Variants in LUZP2 observed in about 807,000 individuals in gnomAD.
The protein encoded by LUZP2 is leucine zipper protein 2.
LUZP2 carries 52 observed loss-of-function variants against 51.6 expected under a neutral mutation model. The observed-to-expected ratio is 1.01, with a 90% CI of 0.81 to 1.27. LUZP2 has a LOEUF of 1.27. LUZP2 is among the 50% of genes most tolerant of loss of function. The probability of loss-of-function intolerance (pLI) is 0.00; values close to 1 mark genes in which losing one functional copy is unlikely to be tolerated. For synonymous variants in LUZP2, 154 were observed against 137.3 expected (o/e 1.12, Z -0.85); for missense variants, 436 against 395.4 (o/e 1.10, Z -0.87).
chr11:24,998,480 G>A (rs1162237474), intron 9 of LUZP2, among the ~76,000 whole-genome samples: 1 of 152,160 alleles, frequency 6.6e-6, no homozygotes, highest in Non-Finnish European at 1.5e-5. Flanking sequence ...TGTATCCTGA[G>A]ACTTTGCTGA....
intron 5 of LUZP2, among the ~76,000 whole-genome samples, chr11:24,773,527 C>G (rs1848814457): frequency 6.6e-6 from 1 of 152,122 alleles, no homozygotes; most frequent in Non-Finnish European, 1.5e-5. Flanking sequence ...GAGGTAGTAA[C>G]TCTGAAGGAT....
chr11:24,915,664 T>G lies in LUZP2; in HGVS notation c.522+1126T>G, dbSNP rs190865326. ...TGTTGATGATAGACAGATAGATAGA[T>G]AGATGATAGATAGATAGATGGATAG... On this transcript the variant is annotated intron_variant, in intron 7 of 11. Transcript: ENST00000336930. 9.6e-3 allele frequency among the ~76,000 whole-genome samples: 1,466 copies of G among 152,004 alleles called. 19 individuals carry two copies. The highest frequency in any genetic ancestry group is 0.044 in the South Asian group (212 of 4,816).
At chr11:24,758,760 T>C (rs539443213) in intron 4 of LUZP2, among the ~76,000 whole-genome samples, 1 of 152,158 alleles carries the variant, frequency 6.6e-6, no homozygotes, top group Admixed American at 6.5e-5. Flanking sequence ...CAAATTACTA[T>C]GGATTTTTTT....
chr11:24,625,368 A>AAAGGAAGG (rs1287141460), intron 1 of LUZP2, among the ~76,000 whole-genome samples: 1 of 151,764 alleles, frequency 6.6e-6, no homozygotes, highest in Admixed American at 6.6e-5. Context: ...AAGGGAAAGG[A>AAAGGAAGG]AAGGAAGGAA....
rs71041785 is a variant in LUZP2, at chr11:24,602,387, TACACACAC to T, written c.62+105104_62+105111del. 1.8e-3 allele frequency among the ~76,000 whole-genome samples: 234 copies of T among 129,532 alleles called. 1 individual carries two copies. The highest frequency in any genetic ancestry group is 3.1e-3 in the Non-Finnish European group (189 of 61,244). 85.0% of individuals were successfully genotyped at this position (129,532 alleles called of 152,430 possible). ...AAGTGTGTGTGTGTATATATATATA[TACACACAC>T]ACACACACACACACACACACATACA... is the stretch of plus-strand genomic sequence containing the variant. On this transcript the variant is annotated intron_variant, in intron 1 of 11. Coordinates refer to ENST00000336930, the MANE Select transcript of LUZP2 (RefSeq NM_001009909.4).
chr11:24,977,066 G>A (rs1356745567), intron 8 of LUZP2, among the ~76,000 whole-genome samples: 1 of 151,728 alleles, frequency 6.6e-6, no homozygotes, highest in Non-Finnish European at 1.5e-5. Flanking sequence ...TTGAATGCAT[G>A]TATCTTATAA....
At position 24,881,206 on chromosome 11, in the gene LUZP2, A is replaced by T. The variant is rs181996402; in HGVS notation, c.397-24785A>T. Among the ~76,000 whole-genome samples, 554 of 152,234 alleles carry T rather than the reference A, an allele frequency of 3.6e-3. 7 individuals carry two copies. The highest frequency in any genetic ancestry group is 4.5e-3 in the Non-Finnish European group (309 of 68,000). ...TTAACAAGCCAGTACATTTAAAGTG[A>T]AATTATGTTATTTTTAACTCAACTG... is the stretch of plus-strand genomic sequence containing the variant. On this transcript the variant is annotated intron_variant, in intron 5 of 11. Coordinates refer to ENST00000336930, the MANE Select transcript of LUZP2 (RefSeq NM_001009909.4).
chr11:24,875,997 A>G (rs925893553), intron 5 of LUZP2, among the ~76,000 whole-genome samples: 24 of 151,680 alleles, frequency 1.6e-4, no homozygotes, highest in African/African-American at 5.8e-4. Context: ...TAGATTCTGG[A>G]TATTGGCCCT....
chr11:25,061,144 C>T (rs931599768), intron 10 of LUZP2, among the ~76,000 whole-genome samples: 2 of 152,210 alleles, frequency 1.3e-5, no homozygotes, highest in Admixed American at 6.5e-5. Flanking sequence ...GACTCCAAAG[C>T]TTATTCTTCC....
chr11:25,035,335 A>G (rs1050762928), intron 9 of LUZP2, among the ~76,000 whole-genome samples: 1 of 152,168 alleles, frequency 6.6e-6, no homozygotes, highest in Admixed American at 6.5e-5. Flanking sequence ...CAACTTCAGC[A>G]GTTTCAGGAT....
At chr11:24,688,421 G>T (rs1327702827) in intron 1 of LUZP2, among the ~76,000 whole-genome samples, 4 of 152,046 alleles carry the variant, frequency 2.6e-5, no homozygotes, top group African/African-American at 7.3e-5. Flanking sequence ...GTCAAGAATA[G>T]CATTCTGTTA....
intron 11 of LUZP2, 45 bp downstream of exon 11, chr11:25,077,451 G>A (rs762131951): frequency 6.3e-6 from 6 of 953,380 alleles, no homozygotes; most frequent in Non-Finnish European, 9.3e-6. Flanking sequence ...GCATTTATTG[G>A]ATCCATTGTA....
intron 1 of LUZP2, among the ~76,000 whole-genome samples, chr11:24,512,592 A>G (rs911923887): frequency 2.0e-5 from 3 of 152,156 alleles, no homozygotes; most frequent in African/African-American, 4.8e-5. Flanking sequence ...TATCTAAATC[A>G]TTCTTAACAC....
intron 1 of LUZP2, among the ~76,000 whole-genome samples, chr11:24,703,279 A>G (rs187586166): frequency 2.6e-5 from 4 of 152,282 alleles, no homozygotes; most frequent in South Asian, 2.1e-4. Context: ...AAAACAACCA[A>G]TGGTTGCAAA....
chr11:24,626,680 A>G (rs187855002), intron 1 of LUZP2, among the ~76,000 whole-genome samples: 47 of 152,318 alleles, frequency 3.1e-4, no homozygotes, highest in African/African-American at 1.1e-3. Flanking sequence ...GGAAAATACT[A>G]TTGTGAATCA....
chr11:24,731,466 C>T (rs1370874402), intron 2 of LUZP2, among the ~76,000 whole-genome samples: 1 of 151,632 alleles, frequency 6.6e-6, no homozygotes, highest in Non-Finnish European at 1.5e-5. Flanking sequence ...GATTCTCTTG[C>T]AAGAAAAAGC....
intron 7 of LUZP2, among the ~76,000 whole-genome samples, chr11:24,972,154 A>AC (rs1855757845): frequency 2.6e-5 from 4 of 151,192 alleles, no homozygotes; most frequent in African/African-American, 4.9e-5. Context: ...AAAAAAAAAA[A>AC]AAAAAAAACA....
chr11:24,958,835 A>G (rs895978969), intron 7 of LUZP2, among the ~76,000 whole-genome samples: 1 of 152,154 alleles, frequency 6.6e-6, no homozygotes, highest in African/African-American at 2.4e-5. Context: ...GCCCATGCCT[A>G]TGTCCTGAAT....
At chr11:24,891,189 G>C (rs1487732459) in intron 5 of LUZP2, 29 of 984,872 alleles carry the variant, frequency 2.9e-5, no homozygotes, top group Non-Finnish European at 3.3e-5. Flanking sequence ...ATGTGAGCTA[G>C]AGTGTGATGA....
Sources: gnomAD v4.1 joint callset for allele counts (sites outside exome capture counted in the v4.1 genomes callset) on GRCh38, gnomAD v4.1.1 for gene constraint, MANE v1.5 for transcripts, NCBI Gene and HGNC (gene_info 2026-07-23, HGNC 2026-07-21) for gene names.